The following UGT1A8 variants were observed in gnomAD, a reference collection of about 807,000 sequenced individuals.
UGT1A8 encodes the protein UDP-glucuronosyltransferase 1A8.
Under a neutral mutation model 45.3 loss-of-function variants are expected in UGT1A8, and 39 were observed. The ratio of observed to expected loss-of-function variants is 0.86; its 90% CI spans 0.67 to 1.12. The LOEUF (loss-of-function observed/expected upper bound fraction) is 1.12. Ranked by LOEUF, UGT1A8 falls within the 50% of genes most tolerant of loss-of-function variation. The probability of loss-of-function intolerance (pLI) is 0.00; values close to 1 mark genes in which losing one functional copy is unlikely to be tolerated. For missense variants in UGT1A8, 719 were observed against 664.9 expected (o/e 1.08, Z -0.90); for synonymous variants, 275 against 249.2 (o/e 1.10, Z -0.97).
At chr2:233,763,334 A>C (rs1454444157) in intron 1 of UGT1A8, among the ~76,000 whole-genome samples, 1 of 152,148 alleles carries the variant, frequency 6.6e-6, no homozygotes, top group Non-Finnish European at 1.5e-5. Flanking sequence ...TTTTGTTTAC[A>C]TTTCCCTAGC....
intron 1 of UGT1A8, among the ~76,000 whole-genome samples, chr2:233,686,724 G>C (rs948109683): frequency 6.6e-6 from 1 of 152,120 alleles, no homozygotes; most frequent in Non-Finnish European, 1.5e-5. Context: ...CGGCTATGAA[G>C]GTCAACCTCT....
chr2:233,618,040 T>C lies in UGT1A8; in HGVS notation c.333T>C (p.Ser111=), dbSNP rs369105473. The change falls in exon 1 of 5, where the codon AGT becomes AGC. Residue 111 remains serine, a synonymous_variant. Transcript: ENST00000373450. The part of the protein sequence containing the change: ...QVRSLFSLFL[S]SSNGFFNLFF... ...GAAGTTTGTTTTCTCTATTTCTGAG[T>C]TCATCCAATGGTTTTTTTAACTTAT... The C allele has an allele frequency of 8.8e-5, 142 of 1,614,052 alleles. No individual in the cohort carries two copies. The highest frequency in any genetic ancestry group is 1.1e-4 in the Non-Finnish European group (127 of 1,180,034).
chr2:233,758,661 T>C (rs1290185814), intron 1 of UGT1A8, among the ~76,000 whole-genome samples: 2 of 152,178 alleles, frequency 1.3e-5, no homozygotes, highest in Non-Finnish European at 2.9e-5. Context: ...GGTACCCTAA[T>C]TACCTGTTAA....
chr2:233,707,852 A>G (rs917969840), intron 1 of UGT1A8, among the ~76,000 whole-genome samples: 14 of 152,114 alleles, frequency 9.2e-5, no homozygotes, highest in African/African-American at 1.4e-4. Flanking sequence ...TATTTTTCAG[A>G]GTGGTTGTAC....
chr2:233,706,934 A>C (rs932560394), intron 1 of UGT1A8, among the ~76,000 whole-genome samples: 8 of 152,130 alleles, frequency 5.3e-5, no homozygotes, highest in African/African-American at 1.7e-4. Flanking sequence ...GTCTGGTGAG[A>C]TGGAATGCTT....
At chr2:233,713,021 G>C (rs201536382) in intron 1 of UGT1A8, 1 of 1,613,716 alleles carries the variant, frequency 6.2e-7, no homozygotes, top group Non-Finnish European at 8.5e-7. Flanking sequence ...TTCCCCTGCC[G>C]CAGCTGGCCA....
intron 1 of UGT1A8, among the ~76,000 whole-genome samples, chr2:233,657,443 A>G (rs1458796869): frequency 6.6e-6 from 1 of 152,204 alleles, no homozygotes; most frequent in Non-Finnish European, 1.5e-5. Context: ...ACAAGGTGAG[A>G]AAGAAGCAAG....
chr2:233,751,617 G>A (rs1403670547), intron 1 of UGT1A8, among the ~76,000 whole-genome samples: 1 of 152,198 alleles, frequency 6.6e-6, no homozygotes, highest in African/African-American at 2.4e-5. Flanking sequence ...GGAGGTGATT[G>A]GATCATGTGT....
rs45547931 is a variant in UGT1A8 at position 233,729,802 on chromosome 2, G to A, written c.856-37232G>A. ...TCTGGCCCTGTCCTACATTTGCCAT[G>A]CTTTTTCTGCTCCTTATGCAAGCCT... On this transcript the variant is annotated intron_variant, in intron 1 of 4. Transcript: ENST00000373450. 1.3e-5 allele frequency: 21 copies of A among 1,613,942 alleles called. No homozygotes were observed. The East Asian group carries it at 3.8e-4, about 29-fold the overall frequency.
chr2:233,748,109 G>A (rs1215169809), intron 1 of UGT1A8: 2 of 1,612,198 alleles, frequency 1.2e-6, no homozygotes, highest in African/African-American at 1.3e-5. Context: ...TCCAATCAAT[G>A]TTCCAGGCAA....
At chr2:233,629,137 C>T (rs2073144000) in intron 1 of UGT1A8, among the ~76,000 whole-genome samples, 1 of 152,100 alleles carries the variant, frequency 6.6e-6, no homozygotes, top group Non-Finnish European at 1.5e-5. Context: ...TCCTCTCAGC[C>T]CTTGCCAACC....
intron 1 of UGT1A8, chr2:233,692,803 T>G: frequency 3.6e-6 from 5 of 1,389,766 alleles, no homozygotes; most frequent in East Asian, 5.5e-5. Flanking sequence ...GACACGGCCA[T>G]AGTTGGTTCA....
At chr2:233,677,390 G>A (rs28970015) in intron 1 of UGT1A8, among the ~76,000 whole-genome samples, 6 of 152,090 alleles carry the variant, frequency 3.9e-5, no homozygotes, top group South Asian at 4.1e-4. Flanking sequence ...TAGAAAATCC[G>A]CATAGAACTT....
intron 1 of UGT1A8, chr2:233,671,762 A>C: frequency 6.9e-6 from 9 of 1,305,564 alleles, no homozygotes; most frequent in Non-Finnish European, 8.0e-6. Context: ...AGCAAAAGCT[A>C]CTCATATATT....
At chr2:233,626,714 A>AAACTGTGTG (rs1460727633) in intron 1 of UGT1A8, among the ~76,000 whole-genome samples, 5 of 152,074 alleles carry the variant, frequency 3.3e-5, no homozygotes, top group Non-Finnish European at 7.4e-5. Flanking sequence ...TTTCCATAGA[A>AAACTGTGTG]AACTGTGTGT....
At chr2:233,625,121 C>T (rs1190355348) in intron 1 of UGT1A8, among the ~76,000 whole-genome samples, 1 of 151,936 alleles carries the variant, frequency 6.6e-6, no homozygotes, top group Non-Finnish European at 1.5e-5. Context: ...GTATTATATC[C>T]TGTATTATTA....
chr2:233,625,230 C>T (rs1305167027), intron 1 of UGT1A8, among the ~76,000 whole-genome samples: 12 of 151,874 alleles, frequency 7.9e-5, no homozygotes, highest in Non-Finnish European at 1.8e-4. Flanking sequence ...AAGTCAAAAC[C>T]ACAATGAGAT....
At chr2:233,646,212 C>T (rs928351616) in intron 1 of UGT1A8, among the ~76,000 whole-genome samples, 1 of 152,222 alleles carries the variant, frequency 6.6e-6, no homozygotes, top group Non-Finnish European at 1.5e-5. Context: ...CTAGGCTGCA[C>T]ACAGCAGGGG....
intron 1 of UGT1A8, chr2:233,690,841 GT>G: frequency 2.8e-6 from 3 of 1,069,274 alleles, no homozygotes; most frequent in Non-Finnish European, 3.4e-6. Context: ...AAAGAAAAAT[GT>G]TTTCTAATAC....
Sources: gnomAD v4.1 joint callset for allele counts (sites outside exome capture counted in the v4.1 genomes callset) on GRCh38, gnomAD v4.1.1 for gene constraint, MANE v1.5 for transcripts, NCBI Gene and HGNC (gene_info 2026-07-23, HGNC 2026-07-21) for gene names.